ADAMTS16: variants seen among roughly 807,000 people sequenced by gnomAD.
The protein encoded by ADAMTS16 is ADAM metallopeptidase with thrombospondin type 1 motif 16.
A neutral mutation model predicts 145.8 loss-of-function variants in ADAMTS16; 94 were observed. The observed-to-expected ratio is 0.64, with a 90% CI of 0.55 to 0.77. The LOEUF is 0.77. Ranked by LOEUF, ADAMTS16 falls within the 30% of genes least tolerant of loss-of-function variation. The pLI, the probability that ADAMTS16 is intolerant of heterozygous loss-of-function variation, is 0.00. For missense variants in ADAMTS16, 1,585 were observed against 1,591.5 expected (o/e 1.00, Z 0.07); for synonymous variants, 659 against 604.3 (o/e 1.09, Z -1.33).
Position 5,191,712 on chromosome 5 carries a change from G to C in ADAMTS16, c.1235G>C (p.Ser412Thr). The C allele has an allele frequency of 6.2e-7, 1 of 1,613,702 alleles. No homozygotes were observed. The highest frequency in any genetic ancestry group is 2.2e-5 in the East Asian group (1 of 44,872). The change falls in exon 8 of 23, where the codon AGT (serine) becomes ACT (threonine). Residue 412 changes from serine (S) to threonine (T), a missense_variant. Ser to Thr is a moderately conservative substitution (Grantham distance 58). Around this residue, in one of 3 missense-constraint regions of ADAMTS16, gnomAD observed 298 missense variants for 367.6 expected, o/e 0.81. Coordinates refer to ENST00000274181, the MANE Select transcript of ADAMTS16 (RefSeq NM_139056.4). ...TTTGCACCCATAAGTGGAATGTGTAGTAAATATCGCAGCTGCACGATTAAT... is the reference window on the plus strand; with the variant it reads ...TTTGCACCCATAAGTGGAATGTGTACTAAATATCGCAGCTGCACGATTAAT... ...LGFAPISGMCSKYRSCTINED... is the reference protein window; with the variant it reads ...LGFAPISGMCTKYRSCTINED...
intron 11 of ADAMTS16, among the ~76,000 whole-genome samples, chr5:5,225,420 CGG>C (rs1560956742): frequency 6.6e-6 from 1 of 152,046 alleles, no homozygotes; most frequent in Non-Finnish European, 1.5e-5. Context: ...CTGGCCAACA[CGG>C]TGAAACCCTG....
intron 17 of ADAMTS16, among the ~76,000 whole-genome samples, chr5:5,247,350 A>ACC (rs5865600): frequency 1.3e-5 from 2 of 151,026 alleles, no homozygotes; most frequent in Admixed American, 6.6e-5. Flanking sequence ...AAAATATATT[A>ACC]CCCCCCCGCC....
intron 3 of ADAMTS16, among the ~76,000 whole-genome samples, chr5:5,171,628 G>C (rs1209520008): frequency 6.6e-6 from 1 of 152,076 alleles, no homozygotes; most frequent in African/African-American, 2.4e-5. Flanking sequence ...AATCCTACTT[G>C]GTCATGATGA....
chr5:5,229,583 C>T (rs1321560148), intron 11 of ADAMTS16, among the ~76,000 whole-genome samples: 1 of 152,124 alleles, frequency 6.6e-6, no homozygotes, highest in Non-Finnish European at 1.5e-5. Flanking sequence ...AAGGAATGTA[C>T]AAGATGAGCC....
At chr5:5,174,065 C>T (rs147077149) in intron 3 of ADAMTS16, among the ~76,000 whole-genome samples, 1,575 of 152,212 alleles carry the variant, frequency 0.01, 20 homozygotes, top group Non-Finnish European at 0.015. Flanking sequence ...CATGATTTTT[C>T]TATTGCTCAC....
At chr5:5,155,266 T>C (rs1320045111) in intron 3 of ADAMTS16, among the ~76,000 whole-genome samples, 1 of 151,950 alleles carries the variant, frequency 6.6e-6, no homozygotes, top group Non-Finnish European at 1.5e-5. Context: ...TGTTAAGGGC[T>C]TCCTTGGCCC....
intron 18 of ADAMTS16, among the ~76,000 whole-genome samples, chr5:5,294,616 C>A (rs1257592316): frequency 2.6e-5 from 4 of 152,186 alleles, no homozygotes; most frequent in African/African-American, 9.7e-5. Flanking sequence ...TAGAATAATG[C>A]TCAGCTAAAT....
chr5:5,289,081 T>TC (rs1739206828), intron 18 of ADAMTS16, among the ~76,000 whole-genome samples: 1 of 152,228 alleles, frequency 6.6e-6, no homozygotes, highest in Admixed American at 6.5e-5. Flanking sequence ...GAGCTGGGCT[T>TC]CCTGGGTGTA....
At chr5:5,171,502 A>G (rs1735041557) in intron 3 of ADAMTS16, among the ~76,000 whole-genome samples, 1 of 152,172 alleles carries the variant, frequency 6.6e-6, no homozygotes, top group Non-Finnish European at 1.5e-5. Flanking sequence ...ATTTTGTCAA[A>G]TGCTTTTTCA....
Position 5,319,279 on chromosome 5 carries a change from G to T in ADAMTS16, c.*141G>T. ...AAACCGTGTTAGGCTCTTTGACCAG[G>T]AGTGTATGTATGTGTTTCACTGTGA... On this transcript the variant is annotated 3_prime_UTR_variant, in exon 23 of 23. Transcript: ENST00000274181. 4.4e-6 allele frequency: 3 copies of T among 674,754 alleles called. No homozygotes were observed. The South Asian group carries it at 5.2e-5, about 12-fold the overall frequency. The allele number at this position is 674,754 out of a possible 1,614,324, so 41.8% of individuals were successfully genotyped here.
rs1736660421 is a variant in ADAMTS16, at chr5:5,223,407, A to G, written c.1701+523A>G. On this transcript the variant is annotated intron_variant, in intron 11 of 22. Coordinates refer to ENST00000274181, the MANE Select transcript of ADAMTS16 (RefSeq NM_139056.4). ...GCAGGAACAGAAAACCAAATACTGC[A>G]TGTTGTTACTTATAAGCAGGAGCTA... 4.5e-5 allele frequency: 7 copies of G among 155,502 alleles called. No individual in the cohort carries two copies. In the South Asian group the frequency reaches 9.8e-4, roughly 22 times the overall value. 9.6% of individuals were successfully genotyped at this position (155,502 alleles called of 1,614,324 possible).
intron 2 of ADAMTS16, among the ~76,000 whole-genome samples, chr5:5,144,875 T>C (rs1280624275): frequency 6.6e-6 from 1 of 152,194 alleles, no homozygotes; most frequent in African/African-American, 2.4e-5. Flanking sequence ...TCTTTGAGTC[T>C]GGAGCAAGCT....
At chr5:5,144,195 T>G (rs1458737775) in intron 2 of ADAMTS16, among the ~76,000 whole-genome samples, 1 of 152,172 alleles carries the variant, frequency 6.6e-6, no homozygotes, top group Non-Finnish European at 1.5e-5. Context: ...AAAATAGAAT[T>G]GTGCTAGTTT....
chr5:5,209,381 G>A (rs1470637264), intron 10 of ADAMTS16, 135 bp downstream of exon 10: 1 of 1,034,282 alleles, frequency 9.7e-7, no homozygotes, highest in South Asian at 1.9e-5. Flanking sequence ...GGCTGGTCCT[G>A]TATAACGGGA....
intron 18 of ADAMTS16, among the ~76,000 whole-genome samples, chr5:5,271,068 A>G (rs1296424123): frequency 6.6e-6 from 1 of 152,192 alleles, no homozygotes; most frequent in Non-Finnish European, 1.5e-5. Context: ...AACCTGTAAA[A>G]CATCTTAATC....
chr5:5,224,584 C>T (rs764470207), intron 11 of ADAMTS16, among the ~76,000 whole-genome samples: 9 of 152,152 alleles, frequency 5.9e-5, no homozygotes, highest in East Asian at 3.9e-4. Context: ...CCACCACATC[C>T]GGCCAACTGC....
chr5:5,217,336 A>C (rs921920334), intron 10 of ADAMTS16, among the ~76,000 whole-genome samples: 2 of 151,940 alleles, frequency 1.3e-5, no homozygotes, highest in Non-Finnish European at 1.5e-5. Context: ...GCAACAAAAG[A>C]CAAAATTGAC....
chr5:5,205,168 C>T (rs937642777), intron 9 of ADAMTS16, among the ~76,000 whole-genome samples: 17 of 151,704 alleles, frequency 1.1e-4, no homozygotes, highest in Admixed American at 7.9e-4. Flanking sequence ...CTGGAATATA[C>T]GTATTATAAA....
Position 5,262,846 on chromosome 5 carries a change from G to A in ADAMTS16, c.2789+63G>A, listed in dbSNP as rs902451003. On this transcript the variant is annotated intron_variant, in intron 18 of 22. Coordinates refer to ENST00000274181, the MANE Select transcript of ADAMTS16 (RefSeq NM_139056.4). Reference sequence around the variant, plus strand: ...TTTGCAGACGTGCTCAGCGAGTCTTGCAGCTCCTGATTTCGAGAGAGAAGT... The same window carrying A: ...TTTGCAGACGTGCTCAGCGAGTCTTACAGCTCCTGATTTCGAGAGAGAAGT... The A allele has an allele frequency of 5.0e-6, 8 of 1,590,636 alleles. No individual in the cohort carries two copies. The Admixed American group carries it at 5.3e-5, about 10-fold the overall frequency.
Sources: allele counts gnomAD v4.1 joint callset (sites outside exome capture counted in the v4.1 genomes callset), GRCh38; gene constraint gnomAD v4.1.1; regional missense constraint gnomAD v4.1.1; transcripts MANE v1.5; gene names NCBI Gene and HGNC (gene_info 2026-07-23, HGNC 2026-07-21).